Variants in AGBL1 observed in about 807,000 individuals in gnomAD.
The protein encoded by AGBL1 is AGBL carboxypeptidase 1.
In AGBL1, 130 loss-of-function variants were observed where a neutral mutation model predicts 118.9. That is an observed-to-expected ratio of 1.09 (90% CI 0.95 to 1.26). AGBL1 has a LOEUF of 1.26. Ranked by LOEUF, AGBL1 falls within the 50% of genes most tolerant of loss-of-function variation. The probability of loss-of-function intolerance (pLI) is 0.00; values close to 1 mark genes in which losing one functional copy is unlikely to be tolerated. For synonymous variants in AGBL1, 555 were observed against 478.9 expected, an observed-to-expected ratio of 1.16 and a Z score of -2.08; for missense variants, 1,584 against 1,298.1, an observed-to-expected ratio of 1.22 and a Z score of -3.38.
intron 22 of AGBL1, among the ~76,000 whole-genome samples, chr15:86,870,184 GAAAGA>G (rs894635384): frequency 2.0e-5 from 3 of 151,970 alleles, no homozygotes; most frequent in African/African-American, 7.3e-5. Flanking sequence ...ATTGGAAAAG[GAAAGA>G]AAAGGGAACT....
At chr15:86,265,137 A>G (rs1025900020) in intron 11 of AGBL1, among the ~76,000 whole-genome samples, 1 of 152,230 alleles carries the variant, frequency 6.6e-6, no homozygotes, top group Non-Finnish European at 1.5e-5. Flanking sequence ...AAGATCATCC[A>G]GTTTTTCCAA....
intron 21 of AGBL1, among the ~76,000 whole-genome samples, chr15:86,622,159 C>T: frequency 6.6e-6 from 1 of 152,040 alleles, no homozygotes; most frequent in East Asian, 1.9e-4. Context: ...GAAACGTTGT[C>T]TCTACTAAAA....
chr15:86,278,136 G>A (rs2079287401), intron 15 of AGBL1, among the ~76,000 whole-genome samples: 1 of 152,202 alleles, frequency 6.6e-6, no homozygotes, highest in African/African-American at 2.4e-5. Flanking sequence ...AGAAGCTTCA[G>A]AACTTTGGGG....
chr15:86,800,478 G>A (rs1425173230), intron 22 of AGBL1, among the ~76,000 whole-genome samples: 1 of 152,030 alleles, frequency 6.6e-6, no homozygotes, highest in Non-Finnish European at 1.5e-5. Flanking sequence ...CCAGAAATAT[G>A]GAACCTAGGA....
chr15:86,511,789 C>G (rs2083055383), intron 18 of AGBL1, among the ~76,000 whole-genome samples: 1 of 151,854 alleles, frequency 6.6e-6, no homozygotes. Context: ...TGATACTCAC[C>G]TGGTCTAAAA....
intron 21 of AGBL1, among the ~76,000 whole-genome samples, chr15:86,574,627 G>C (rs1241956284): frequency 1.4e-5 from 2 of 140,274 alleles, no homozygotes; most frequent in African/African-American, 5.4e-5. Context: ...ACCCAGGCTG[G>C]AGTGCGATGG....
chr15:86,337,179 A>G (rs918185827), intron 17 of AGBL1, among the ~76,000 whole-genome samples: 2 of 152,210 alleles, frequency 1.3e-5, no homozygotes, highest in Non-Finnish European at 2.9e-5. Context: ...TTACACTAGT[A>G]CACTTTTTGT....
intron 18 of AGBL1, among the ~76,000 whole-genome samples, chr15:86,475,385 T>C (rs531228593): frequency 6.6e-6 from 1 of 152,262 alleles, no homozygotes; most frequent in East Asian, 1.9e-4. Flanking sequence ...TTAAATGACC[T>C]GATGGAGCTG....
At chr15:86,653,617 C>T (rs766919762) in intron 21 of AGBL1, among the ~76,000 whole-genome samples, 4 of 152,132 alleles carry the variant, frequency 2.6e-5, no homozygotes, top group Non-Finnish European at 4.4e-5. Flanking sequence ...CCTTATTGTT[C>T]CTAATGGGTT....
At chr15:86,950,382 A>ATT (rs1453076676) in intron 23 of AGBL1, among the ~76,000 whole-genome samples, 27 of 151,330 alleles carry the variant, frequency 1.8e-4, no homozygotes, top group African/African-American at 6.3e-4. Context: ...GATTCATAGA[A>ATT]TTCAACCAAG....
chr15:87,016,302 C>T lies in AGBL1; in HGVS notation c.3324-12523C>T, dbSNP rs76434801. ...ATATTTCAGATCATTGTTCTGACTG[C>T]TATAATAGAGACAAGAATTAAGTGC... On this transcript the variant is annotated intron_variant, in intron 24 of 24. Coordinates refer to the AGBL1 transcript ENST00000441037. Among the ~76,000 whole-genome samples the T allele has an allele frequency of 5.3e-3, 807 of 152,194 alleles. 10 individuals are homozygous for T. Among genetic ancestry groups the T allele is most frequent in the African/African-American group, 0.019 (775 of 41,536 alleles).
At chr15:86,605,514 T>C (rs972117047) in intron 21 of AGBL1, among the ~76,000 whole-genome samples, 4 of 152,086 alleles carry the variant, frequency 2.6e-5, no homozygotes, top group Admixed American at 6.6e-5. Flanking sequence ...GTATGGAGGA[T>C]GATGGTGCAA....
intron 22 of AGBL1, among the ~76,000 whole-genome samples, chr15:86,784,636 ACTTTT>A (rs1296694926): frequency 6.6e-6 from 1 of 152,106 alleles, no homozygotes; most frequent in African/African-American, 2.4e-5. Context: ...GATAAAGCTT[ACTTTT>A]CTTATACAGT....
At chr15:86,831,387 A>G (rs1303485391) in intron 22 of AGBL1, among the ~76,000 whole-genome samples, 1 of 152,230 alleles carries the variant, frequency 6.6e-6, no homozygotes, top group African/African-American at 2.4e-5. Flanking sequence ...CATCTGAGAC[A>G]AGACAAGTCC....
At chr15:86,125,047 G>C (rs2141592114) in intron 1 of AGBL1, among the ~76,000 whole-genome samples, 1 of 152,288 alleles carries the variant, frequency 6.6e-6, no homozygotes, top group Non-Finnish European at 1.5e-5. Context: ...CTCTCTGCTT[G>C]TGCTTGTCTA....
At chr15:86,282,867 T>A (rs1358187178) in intron 16 of AGBL1, among the ~76,000 whole-genome samples, 1 of 152,212 alleles carries the variant, frequency 6.6e-6, no homozygotes, top group Non-Finnish European at 1.5e-5. Context: ...TCCTATAATA[T>A]GGATTACATT....
At chr15:86,719,481 GCCCTCTTTGCATT>G in intron 22 of AGBL1, among the ~76,000 whole-genome samples, 1 of 152,248 alleles carries the variant, frequency 6.6e-6, no homozygotes, top group East Asian at 1.9e-4. Flanking sequence ...CAGGAGTAAA[GCCCTCTTTGCATT>G]CCTTTCTATG....
At chr15:86,398,224 T>C (rs547392545) in intron 18 of AGBL1, among the ~76,000 whole-genome samples, 36 of 152,256 alleles carry the variant, frequency 2.4e-4, no homozygotes, top group African/African-American at 8.4e-4. Context: ...CCTGGTGAGC[T>C]CTGTTGAAAT....
At chr15:86,408,935 A>ATATT (rs2081573797) in intron 18 of AGBL1, among the ~76,000 whole-genome samples, 2 of 152,206 alleles carry the variant, frequency 1.3e-5, no homozygotes, top group Admixed American at 1.3e-4. Flanking sequence ...GAATGTGAAG[A>ATATT]TATTCTCCTA....
Sources: allele counts gnomAD v4.1 joint callset (sites outside exome capture counted in the v4.1 genomes callset), GRCh38; gene constraint gnomAD v4.1.1; transcripts MANE v1.5; gene names NCBI Gene and HGNC (gene_info 2026-07-23, HGNC 2026-07-21).